FHOD3: variants seen among roughly 807,000 people sequenced by gnomAD.
FHOD3 encodes formin homology 2 domain containing 3, also known as FH1/FH2 domain-containing protein 3.
Under a neutral mutation model 173.0 loss-of-function variants are expected in FHOD3, and 90 were observed. That is an observed-to-expected ratio of 0.52 (90% CI 0.44 to 0.62). The LOEUF is 0.62. Ranked by LOEUF, FHOD3 falls within the 20% of genes least tolerant of loss-of-function variation. FHOD3 has a pLI of 0.00. For missense variants in FHOD3, 1,945 were observed against 2,034.7 expected (o/e 0.96, Z 0.85); for synonymous variants, 828 against 823.0 (o/e 1.01, Z -0.10).
chr18:36,661,405 A>G (rs2036790512), intron 14 of FHOD3, among the ~76,000 whole-genome samples: 3 of 152,198 alleles, frequency 2.0e-5, no homozygotes. Context: ...ATATATACAT[A>G]TATTATTAAA....
At chr18:36,425,397 AT>A (rs2147147348) in intron 3 of FHOD3, among the ~76,000 whole-genome samples, 1 of 152,314 alleles carries the variant, frequency 6.6e-6, no homozygotes, top group Non-Finnish European at 1.5e-5. Flanking sequence ...TAGCTTATCA[AT>A]GAAGGGGAGG....
At chr18:36,546,100 G>C (rs1022271346) in intron 5 of FHOD3, among the ~76,000 whole-genome samples, 1 of 152,150 alleles carries the variant, frequency 6.6e-6, no homozygotes, top group African/African-American at 2.4e-5. Flanking sequence ...GTGCTTTAAG[G>C]GAACCCCTTT....
At chr18:36,486,907 A>C (rs1459522753) in intron 3 of FHOD3, among the ~76,000 whole-genome samples, 5 of 152,200 alleles carry the variant, frequency 3.3e-5, no homozygotes, top group Non-Finnish European at 7.3e-5. Flanking sequence ...ATCATACAGT[A>C]TCTGGTATTT....
chr18:36,747,618 G>A (rs2042210443), intron 24 of FHOD3, among the ~76,000 whole-genome samples: 1 of 152,198 alleles, frequency 6.6e-6, no homozygotes, highest in Admixed American at 6.5e-5. Flanking sequence ...CTCCATCACA[G>A]CACTGTCCTC....
chr18:36,662,625 C>T (rs1422701378), intron 14 of FHOD3, among the ~76,000 whole-genome samples: 2 of 152,052 alleles, frequency 1.3e-5, no homozygotes, highest in East Asian at 3.8e-4. Context: ...AGATTATAAA[C>T]CCAGATATAA....
At chr18:36,628,735 T>C (rs998921894) in intron 10 of FHOD3, among the ~76,000 whole-genome samples, 3 of 152,188 alleles carry the variant, frequency 2.0e-5, no homozygotes, top group Non-Finnish European at 4.4e-5. Flanking sequence ...GCTAGAAAGT[T>C]CTTAAAATTT....
At chr18:36,611,853 A>C in intron 8 of FHOD3, 99 bp from the exon 9 acceptor site, 1 of 1,209,472 alleles carries the variant, frequency 8.3e-7, no homozygotes, top group African/African-American at 1.5e-5. Flanking sequence ...AGTGGCCATG[A>C]TTATAACAAT....
At chr18:36,722,589 T>C (rs1438263999) in intron 19 of FHOD3, among the ~76,000 whole-genome samples, 2 of 151,914 alleles carry the variant, frequency 1.3e-5, no homozygotes, top group East Asian at 1.9e-4. Flanking sequence ...GGGTGAGCCT[T>C]GGCCTGGGTT....
intron 19 of FHOD3, among the ~76,000 whole-genome samples, chr18:36,723,532 A>G (rs1377771051): frequency 1.3e-5 from 2 of 152,196 alleles, no homozygotes; most frequent in East Asian, 1.9e-4. Flanking sequence ...CTCAACGGAC[A>G]GTTTTGAAAA....
chr18:36,675,743 T>A (rs1600194746), intron 14 of FHOD3, among the ~76,000 whole-genome samples: 2 of 152,288 alleles, frequency 1.3e-5, no homozygotes, highest in South Asian at 2.1e-4. Context: ...ATGCATCCTG[T>A]TTATTCAATC....
At chr18:36,709,455 C>T in intron 18 of FHOD3, 64 bp downstream of exon 18, 2 of 1,520,310 alleles carry the variant, frequency 1.3e-6, no homozygotes, top group Non-Finnish European at 1.8e-6. Flanking sequence ...GGGGCTGGTT[C>T]TCTAAGAGCT....
intron 5 of FHOD3, among the ~76,000 whole-genome samples, chr18:36,542,081 A>G (rs1166535816): frequency 6.6e-6 from 1 of 152,210 alleles, no homozygotes; most frequent in Non-Finnish European, 1.5e-5. Flanking sequence ...GTTTATAACA[A>G]TGGAATTAAA....
At chr18:36,310,456 T>C (rs2144664480) in intron 1 of FHOD3, among the ~76,000 whole-genome samples, 1 of 151,632 alleles carries the variant, frequency 6.6e-6, no homozygotes, top group Non-Finnish European at 1.5e-5. Context: ...GAGGTTGAGG[T>C]GGGTGGATCA....
intron 19 of FHOD3, among the ~76,000 whole-genome samples, chr18:36,721,313 A>G (rs2149805758): frequency 6.6e-6 from 1 of 152,332 alleles, no homozygotes; most frequent in Non-Finnish European, 1.5e-5. Context: ...AAAATGTTAC[A>G]AAAGGTAAGA....
At chr18:36,626,023 A>G (rs1682319814) in intron 10 of FHOD3, among the ~76,000 whole-genome samples, 2 of 152,146 alleles carry the variant, frequency 1.3e-5, no homozygotes, top group Non-Finnish European at 1.5e-5. Flanking sequence ...TATCTCAGTT[A>G]ATATCTGTTC....
At chr18:36,598,230 C>T (rs2030799909) in intron 7 of FHOD3, among the ~76,000 whole-genome samples, 1 of 152,166 alleles carries the variant, frequency 6.6e-6, no homozygotes, top group Non-Finnish European at 1.5e-5. Context: ...GACATATGAG[C>T]AGTTGTCTTT....
At chr18:36,659,248 T>C (rs2149198821) in intron 14 of FHOD3, among the ~76,000 whole-genome samples, 1 of 152,246 alleles carries the variant, frequency 6.6e-6, no homozygotes, top group African/African-American at 2.4e-5. Flanking sequence ...ACTGTTAACT[T>C]CTAAGATGGC....
intron 15 of FHOD3, among the ~76,000 whole-genome samples, chr18:36,682,535 A>T (rs558622891): frequency 2.8e-4 from 43 of 152,304 alleles, no homozygotes; most frequent in Middle Eastern, 6.8e-3. Context: ...CAAGGAATGT[A>T]AGGCATTGTT....
At chr18:36,756,589 A>C (rs2042643691) in intron 25 of FHOD3, among the ~76,000 whole-genome samples, 1 of 152,214 alleles carries the variant, frequency 6.6e-6, no homozygotes, top group Non-Finnish European at 1.5e-5. Context: ...AGCCAAGCAG[A>C]GGGCACTTGG....
Sources: allele counts gnomAD v4.1 joint callset (sites outside exome capture counted in the v4.1 genomes callset), GRCh38; gene constraint gnomAD v4.1.1; transcripts MANE v1.5; gene names NCBI Gene and HGNC (gene_info 2026-07-23, HGNC 2026-07-21).